CADPS: variants seen among roughly 807,000 people sequenced by gnomAD.
CADPS encodes calcium dependent secretion activator.
A neutral mutation model predicts 167.3 loss-of-function variants in CADPS; 57 were observed. The observed-to-expected ratio is 0.34, with a 90% confidence interval of 0.28 to 0.42. CADPS has a LOEUF of 0.42. Ranked by LOEUF, CADPS falls within the 20% of genes least tolerant of loss-of-function variation. CADPS has a pLI of 1.00. For synonymous variants in CADPS, 676 were observed against 635.3 expected, an observed-to-expected ratio of 1.06 and a Z score of -0.96; for missense variants, 1,414 against 1,738.1, an observed-to-expected ratio of 0.81 and a Z score of 3.32.
At chr3:62,771,090 C>T (rs867530521) in intron 1 of CADPS, among the ~76,000 whole-genome samples, 1 of 152,188 alleles carries the variant, frequency 6.6e-6, no homozygotes. Flanking sequence ...TATCTCTCTA[C>T]AAGAATATAT....
chr3:62,783,487 T>C (rs1036539206), intron 1 of CADPS, among the ~76,000 whole-genome samples: 2 of 152,148 alleles, frequency 1.3e-5, no homozygotes, highest in Non-Finnish European at 2.9e-5. Context: ...CCTGGGAAAA[T>C]TGAAAGACAG....
At chr3:62,503,762 C>G (rs962584129) in intron 17 of CADPS, among the ~76,000 whole-genome samples, 7 of 152,150 alleles carry the variant, frequency 4.6e-5, no homozygotes, top group Non-Finnish European at 8.8e-5. Context: ...AGCACTTGAC[C>G]CATCTGTCAT....
At chr3:62,801,430 A>C (rs1010738210) in intron 1 of CADPS, among the ~76,000 whole-genome samples, 1 of 152,132 alleles carries the variant, frequency 6.6e-6, no homozygotes, top group South Asian at 2.1e-4. Context: ...GTGAGACCTC[A>C]ATGAAAACCC....
At chr3:62,523,340 T>G (rs2151827141) in intron 13 of CADPS, among the ~76,000 whole-genome samples, 1 of 152,218 alleles carries the variant, frequency 6.6e-6, no homozygotes, top group African/African-American at 2.4e-5. Flanking sequence ...AAGTACTGAG[T>G]TTTTAATGTG....
intron 6 of CADPS, among the ~76,000 whole-genome samples, chr3:62,632,322 T>C (rs1225914963): frequency 6.6e-6 from 1 of 152,206 alleles, no homozygotes; most frequent in Non-Finnish European, 1.5e-5. Flanking sequence ...ACAAGGATTA[T>C]AACTTTTTGG....
chr3:62,431,620 T>TA (rs1367256686), intron 28 of CADPS, among the ~76,000 whole-genome samples: 1 of 151,792 alleles, frequency 6.6e-6, no homozygotes, highest in East Asian at 1.9e-4. Flanking sequence ...CGGCAGTCCC[T>TA]ATAACAAGTC....
chr3:62,723,101 C>T (rs956121267), intron 3 of CADPS, among the ~76,000 whole-genome samples: 2 of 152,140 alleles, frequency 1.3e-5, no homozygotes, highest in Non-Finnish European at 2.9e-5. Flanking sequence ...AGAAAGCTCC[C>T]AGTTTTAAGA....
chr3:62,552,987 G>A (rs1442881929), intron 10 of CADPS, among the ~76,000 whole-genome samples: 1 of 152,190 alleles, frequency 6.6e-6, no homozygotes, highest in Non-Finnish European at 1.5e-5. Flanking sequence ...AGGGGAAGGA[G>A]GAGGAAGAAG....
chr3:62,663,837 T>C (rs1161098611), intron 3 of CADPS, among the ~76,000 whole-genome samples: 4 of 152,184 alleles, frequency 2.6e-5, no homozygotes, highest in Non-Finnish European at 5.9e-5. Flanking sequence ...AGCATCACTT[T>C]ATCTTCCCCT....
At chr3:62,449,722 A>G (rs1055906937) in intron 26 of CADPS, among the ~76,000 whole-genome samples, 1 of 152,018 alleles carries the variant, frequency 6.6e-6, no homozygotes, top group Non-Finnish European at 1.5e-5. Flanking sequence ...ACAAAACGCA[A>G]ATTTCTTTAA....
At chr3:62,859,616 A>C (rs1468690222) in intron 1 of CADPS, among the ~76,000 whole-genome samples, 1 of 152,214 alleles carries the variant, frequency 6.6e-6, no homozygotes, top group Non-Finnish European at 1.5e-5. Context: ...TAATAACAGC[A>C]GTACATAGGC....
intron 1 of CADPS, among the ~76,000 whole-genome samples, chr3:62,803,356 T>A (rs1201554827): frequency 4.1e-5 from 6 of 148,046 alleles, no homozygotes; most frequent in African/African-American, 1.2e-4. Context: ...TTTTTCTATA[T>A]AGCAGGGATT....
chr3:62,704,172 A>C (rs1289814075), intron 3 of CADPS, among the ~76,000 whole-genome samples: 3 of 152,200 alleles, frequency 2.0e-5, no homozygotes, highest in African/African-American at 7.2e-5. Flanking sequence ...GACCAAGAAG[A>C]AAATTTCAGA....
intron 3 of CADPS, among the ~76,000 whole-genome samples, chr3:62,741,553 G>A (rs1476842061): frequency 3.9e-5 from 6 of 152,100 alleles, no homozygotes; most frequent in Non-Finnish European, 8.8e-5. Context: ...TGCAGAAAAG[G>A]CTTTTAATAA....
At chr3:62,459,402 C>T (rs1228413850) in intron 26 of CADPS, among the ~76,000 whole-genome samples, 1 of 152,212 alleles carries the variant, frequency 6.6e-6, no homozygotes, top group Non-Finnish European at 1.5e-5. Context: ...GATCAGGCTC[C>T]TGCACTGATT....
chr3:62,610,306 A>G (rs1209912405), intron 6 of CADPS, among the ~76,000 whole-genome samples: 1 of 149,650 alleles, frequency 6.7e-6, no homozygotes, highest in East Asian at 2.0e-4. Context: ...GCTGGAGTAC[A>G]GTGGCACAAT....
intron 1 of CADPS, among the ~76,000 whole-genome samples, chr3:62,835,648 G>T (rs1483694436): frequency 6.6e-6 from 1 of 152,144 alleles, no homozygotes; most frequent in African/African-American, 2.4e-5. Flanking sequence ...ACCTCAAAGA[G>T]GGGACGTGGC....
chr3:62,449,415 C>T (rs756907216), intron 26 of CADPS, among the ~76,000 whole-genome samples: 2 of 152,152 alleles, frequency 1.3e-5, no homozygotes, highest in African/African-American at 4.8e-5. Flanking sequence ...TGTAGCAGAG[C>T]GGAGAAATTG....
chr3:62,550,856 A>T lies in CADPS; in HGVS notation c.1754-741T>A, dbSNP rs1427843463. 8.8e-6 allele frequency: 4 copies of T among 456,572 alleles called. No homozygotes were observed. In the Admixed American group the frequency reaches 9.4e-5, roughly 11 times the overall value. The allele number at this position is 456,572 out of a possible 1,614,324, so 28.3% of individuals were successfully genotyped here. ...TTGGGCCCACCCACCTATCAGCAGC[A>T]TTTGCACTCCCTTCTCTTCAAGATG... On this transcript the variant is annotated intron_variant, in intron 10 of 29. Coordinates refer to ENST00000383710, the MANE Select transcript of CADPS (RefSeq NM_003716.4).
Sources: allele counts gnomAD v4.1 joint callset (sites outside exome capture counted in the v4.1 genomes callset), GRCh38; gene constraint gnomAD v4.1.1; transcripts MANE v1.5; gene names NCBI Gene and HGNC (gene_info 2026-07-23, HGNC 2026-07-21).